The following CD2AP variants were observed in gnomAD, a reference collection of about 807,000 sequenced individuals.
The protein encoded by CD2AP is CD2-associated protein.
A neutral mutation model predicts 85.1 loss-of-function variants in CD2AP; 46 were observed. The ratio of observed to expected loss-of-function variants is 0.54; its 90% CI spans 0.43 to 0.69. CD2AP has a LOEUF of 0.69. Among genes scored for constraint, CD2AP ranks in the 30% least tolerant of loss-of-function variants. The pLI is 0.00. For synonymous variants in CD2AP, 255 were observed against 252.9 expected (o/e 1.01, Z -0.08); for missense variants, 769 against 729.5 (o/e 1.05, Z -0.62).
chr6:47,606,077 T>C, intron 13 of CD2AP, 88 bp from the exon 14 acceptor site: 1 of 734,460 alleles, frequency 1.4e-6, no homozygotes, highest in Middle Eastern at 2.8e-4. Flanking sequence ...CTTTTTAATT[T>C]ATAGTTTGTC....
chr6:47,551,383 A>G (rs538211284), intron 4 of CD2AP, among the ~76,000 whole-genome samples: 5 of 152,164 alleles, frequency 3.3e-5, no homozygotes, highest in African/African-American at 1.2e-4. Context: ...ATGTTTATAC[A>G]AACTTAGATT....
rs540180511 is a variant in CD2AP, at chr6:47,557,219, A to G, written c.541+2453A>G. On this transcript the variant is annotated intron_variant, in intron 5 of 17. Coordinates refer to ENST00000359314, the MANE Select transcript of CD2AP (RefSeq NM_012120.3). ...TGTTTAAGTTCTTTGTAGATTCTGG[A>G]TATTAGCTCTTTGTCAGATGGATAG... is the stretch of plus-strand genomic sequence containing the variant. Among the ~76,000 whole-genome samples, 25 of 145,406 alleles carry G rather than the reference A, an allele frequency of 1.7e-4. 1 individual carries two copies. The South Asian group carries it at 4.9e-3, about 29-fold the overall frequency.
At chr6:47,543,232 G>A (rs1363252675) in intron 3 of CD2AP, among the ~76,000 whole-genome samples, 2 of 150,562 alleles carry the variant, frequency 1.3e-5, no homozygotes, top group Admixed American at 6.6e-5. Context: ...TCTAAGCTGA[G>A]AAGTGAAGAT....
intron 1 of CD2AP, 55 bp from the exon 2 acceptor site, chr6:47,503,225 T>G: frequency 6.8e-7 from 1 of 1,472,930 alleles, no homozygotes; most frequent in Non-Finnish European, 9.5e-7. Context: ...TTAATATAGT[T>G]TACAGTATTT....
At chr6:47,482,842 T>A (rs1765478363) in intron 1 of CD2AP, among the ~76,000 whole-genome samples, 1 of 152,238 alleles carries the variant, frequency 6.6e-6, no homozygotes, top group African/African-American at 2.4e-5. Flanking sequence ...CTTCCCCTGT[T>A]ATTAAATATA....
At chr6:47,610,971 A>ATATATATATATATTTTTTTTT in intron 16 of CD2AP, among the ~76,000 whole-genome samples, 8 of 112,904 alleles carry the variant, frequency 7.1e-5, no homozygotes, top group African/African-American at 2.9e-4. Context: ...ATATATATGT[A>ATATATATATATATTTTTTTTT]TTTTTTTTTT....
At chr6:47,494,247 T>G (rs1374352591) in intron 1 of CD2AP, among the ~76,000 whole-genome samples, 1 of 152,152 alleles carries the variant, frequency 6.6e-6, no homozygotes, top group Non-Finnish European at 1.5e-5. Flanking sequence ...TAGCTGTAGG[T>G]GCCAGGGGGT....
At chr6:47,586,339 G>A (rs568577353) in intron 11 of CD2AP, among the ~76,000 whole-genome samples, 14 of 152,108 alleles carry the variant, frequency 9.2e-5, no homozygotes, top group Non-Finnish European at 2.1e-4. Context: ...TGAACTTGAA[G>A]ACATAGCAAA....
At position 47,548,601 on chromosome 6, in the gene CD2AP, G is replaced by A. The variant is rs530619949; in HGVS notation, c.420+3895G>A. On this transcript the variant is annotated intron_variant, in intron 4 of 17. Coordinates refer to ENST00000359314, the MANE Select transcript of CD2AP (RefSeq NM_012120.3). ...CAACAAAAAAGATCCAGGACCAGACGAATTCACACCAGAATTCTACCAGAC... is the reference window on the plus strand; with the variant it reads ...CAACAAAAAAGATCCAGGACCAGACAAATTCACACCAGAATTCTACCAGAC... 8.5e-5 allele frequency among the ~76,000 whole-genome samples: 13 copies of A among 152,170 alleles called. No individual in the cohort carries two copies. In the South Asian group the frequency reaches 1.5e-3, roughly 17 times the overall value.
chr6:47,495,290 G>C (rs909946148), intron 1 of CD2AP, among the ~76,000 whole-genome samples: 1 of 152,130 alleles, frequency 6.6e-6, no homozygotes, highest in Non-Finnish European at 1.5e-5. Context: ...AGATGGAGAC[G>C]TAACAGTGGA....
intron 11 of CD2AP, 45 bp downstream of exon 11, chr6:47,582,110 T>C: frequency 8.6e-7 from 1 of 1,160,766 alleles, no homozygotes; most frequent in Non-Finnish European, 1.3e-6. Flanking sequence ...ATTTCTTTTA[T>C]TGTCATTTTA....
intron 5 of CD2AP, among the ~76,000 whole-genome samples, chr6:47,572,611 A>G (rs1768188345): frequency 6.6e-6 from 1 of 152,138 alleles, no homozygotes; most frequent in South Asian, 2.1e-4. Context: ...GTTTGATTGG[A>G]GACTTTTCTG....
At chr6:47,558,380 A>G (rs1183085625) in intron 5 of CD2AP, among the ~76,000 whole-genome samples, 1 of 152,176 alleles carries the variant, frequency 6.6e-6, no homozygotes, top group Non-Finnish European at 1.5e-5. Flanking sequence ...GTGATGAGAG[A>G]GGACATCCTT....
chr6:47,582,497 A>G (rs1768507058), intron 11 of CD2AP, among the ~76,000 whole-genome samples: 1 of 152,180 alleles, frequency 6.6e-6, no homozygotes, highest in Non-Finnish European at 1.5e-5. Flanking sequence ...AGGGTACCAC[A>G]TGTATTTTGC....
chr6:47,562,737 C>T lies in CD2AP; in HGVS notation c.541+7971C>T, dbSNP rs972225282. The T allele has an allele frequency of 6.2e-6, 5 of 808,022 alleles. No homozygotes were observed. In the African/African-American group the frequency reaches 6.7e-5, roughly 11 times the overall value. 50.1% of individuals were successfully genotyped at this position (808,022 alleles called of 1,614,324 possible). A position where few individuals can be genotyped will look rare whatever the true frequency, so the allele number is the denominator to read the frequency against. ...CTAGCAGTGAAATTTGTGAAGCTGG[C>T]CAAGCCTTAGACAAGTGGCAAGCTC... On this transcript the variant is annotated intron_variant, in intron 5 of 17. Transcript: ENST00000359314.
intron 12 of CD2AP, 68 bp from the exon 13 acceptor site, chr6:47,599,233 T>G: frequency 7.4e-7 from 1 of 1,352,248 alleles, no homozygotes; most frequent in Non-Finnish European, 1.1e-6. Context: ...TTAATGTCAT[T>G]AAATCACAAT....
intron 2 of CD2AP, among the ~76,000 whole-genome samples, chr6:47,525,487 C>A (rs1766696673): frequency 6.6e-6 from 1 of 151,986 alleles, no homozygotes; most frequent in Admixed American, 6.6e-5. Flanking sequence ...TTCTTTGCGA[C>A]CTTTGAGTCT....
At chr6:47,505,871 C>T (rs1223843050) in intron 2 of CD2AP, among the ~76,000 whole-genome samples, 1 of 119,636 alleles carries the variant, frequency 8.4e-6, no homozygotes, top group Non-Finnish European at 1.8e-5. Context: ...ACCTCCCTCC[C>T]GGATGGGGCG....
intron 1 of CD2AP, among the ~76,000 whole-genome samples, chr6:47,482,316 C>T (rs1765465746): frequency 6.6e-6 from 1 of 151,296 alleles, no homozygotes; most frequent in African/African-American, 2.4e-5. Context: ...GCTGAAAATT[C>T]ACATTTATAA....
Sources: gnomAD v4.1 joint callset for allele counts (sites outside exome capture counted in the v4.1 genomes callset) on GRCh38, gnomAD v4.1.1 for gene constraint, MANE v1.5 for transcripts, NCBI Gene and HGNC (gene_info 2026-07-23, HGNC 2026-07-21) for gene names.